Variants in TLK1 observed in about 807,000 individuals in gnomAD.
The protein encoded by TLK1 is tousled like kinase 1.
Under a neutral mutation model 105.3 loss-of-function variants are expected in TLK1, and 24 were observed. The observed-to-expected ratio is 0.23, with a 90% confidence interval of 0.17 to 0.32. The LOEUF (loss-of-function observed/expected upper bound fraction) is 0.32. Among genes scored for constraint, TLK1 ranks in the 10% least tolerant of loss-of-function variants. The pLI, the probability that TLK1 is intolerant of heterozygous loss-of-function variation, is 1.00. For synonymous variants in TLK1, 321 were observed against 310.4 expected, an observed-to-expected ratio of 1.03 and a Z score of -0.36; for missense variants, 558 against 910.5, an observed-to-expected ratio of 0.61 and a Z score of 4.98.
rs76216307 is a variant in TLK1, at chr2:171,074,284, C to T, written c.330+8497G>A. Among the ~76,000 whole-genome samples, 290 of 152,266 alleles carry T rather than the reference C, an allele frequency of 1.9e-3. 4 individuals carry two copies. Among genetic ancestry groups the T allele is most frequent in the Non-Finnish European group, 3.3e-3 (223 of 68,016 alleles). ...GACATCATTACTGTACATATTTGTT[C>T]ATTGTATACAGCAACATTGTTGCAT... is the stretch of plus-strand genomic sequence containing the variant. On this transcript the variant is annotated intron_variant, in intron 3 of 20. Coordinates refer to ENST00000431350, the MANE Select transcript of TLK1 (RefSeq NM_012290.5).
intron 1 of TLK1, among the ~76,000 whole-genome samples, chr2:171,125,277 G>A (rs1018868468): frequency 1.2e-4 from 19 of 152,120 alleles, no homozygotes; most frequent in African/African-American, 4.6e-4. Flanking sequence ...TGGACATAGT[G>A]TAGTATATGA....
chr2:171,061,241 C>A, intron 3 of TLK1, 85 bp from the exon 4 acceptor site: 1 of 1,316,232 alleles, frequency 7.6e-7, no homozygotes, highest in Non-Finnish European at 1.1e-6. Flanking sequence ...TGTTTCGAGA[C>A]CAAAAAAATA....
chr2:171,107,737 G>C (rs1689989663), intron 2 of TLK1, among the ~76,000 whole-genome samples: 1 of 152,104 alleles, frequency 6.6e-6, no homozygotes, highest in South Asian at 2.1e-4. Flanking sequence ...GAATTTCAAA[G>C]ACAATAATGA....
intron 2 of TLK1, among the ~76,000 whole-genome samples, chr2:171,086,588 T>C (rs963820620): frequency 1.4e-5 from 2 of 146,224 alleles, no homozygotes; most frequent in Non-Finnish European, 3.0e-5. Context: ...ATCGCACCAC[T>C]ATATGCCAGC....
chr2:171,199,510 TAAAA>T (rs71013024), intron 1 of TLK1, among the ~76,000 whole-genome samples: 43 of 147,226 alleles, frequency 2.9e-4, no homozygotes, highest in Middle Eastern at 3.5e-3. Flanking sequence ...GAGACCTGGT[TAAAA>T]AAAAAAAAAA....
chr2:171,053,652 C>T (rs1272779966), intron 8 of TLK1, 109 bp downstream of exon 8: 12 of 831,052 alleles, frequency 1.4e-5, no homozygotes, highest in East Asian at 5.6e-5. Context: ...TGAGCCACTG[C>T]GCCTGGCCTA....
chr2:171,054,412 A>C (rs1019596074), intron 7 of TLK1: 2 of 152,426 alleles, frequency 1.3e-5, no homozygotes, highest in African/African-American at 4.8e-5. Flanking sequence ...CCAACATCTC[A>C]TGCAGCAAAA....
intron 3 of TLK1, among the ~76,000 whole-genome samples, chr2:171,066,308 A>G (rs778315872): frequency 1.3e-5 from 2 of 152,230 alleles, no homozygotes; most frequent in Non-Finnish European, 2.9e-5. Flanking sequence ...CAAAATCATC[A>G]TATCAGCAAT....
Position 171,107,959 on chromosome 2 carries a change from A to C in TLK1, c.258+9780T>G, listed in dbSNP as rs77692195. ...CCTATCCAAGCTACTCAGGAGGCTTACGCATGAGGATCACTTGAGCCTAGG... is the reference window on the plus strand; with the variant it reads ...CCTATCCAAGCTACTCAGGAGGCTTCCGCATGAGGATCACTTGAGCCTAGG... On this transcript the variant is annotated intron_variant, in intron 2 of 20. Coordinates refer to ENST00000431350, the MANE Select transcript of TLK1 (RefSeq NM_012290.5). Among the ~76,000 whole-genome samples the C allele has an allele frequency of 5.8e-3, 878 of 152,100 alleles. 5 individuals carry two copies. The highest frequency in any genetic ancestry group is 9.8e-3 in the Non-Finnish European group (667 of 67,980).
rs138513985 is a variant in TLK1 at position 171,061,955 on chromosome 2, A to G, written c.331-799T>C. Among the ~76,000 whole-genome samples the G allele has an allele frequency of 7.4e-4, 113 of 152,338 alleles. 1 individual carries two copies. The East Asian group carries it at 0.021, about 28-fold the overall frequency. ...TACAACGGCAGAGCTGAGTAGCTGCAACAGAGTTGGAATGGCCCATAAAGT... is the reference window on the plus strand; with the variant it reads ...TACAACGGCAGAGCTGAGTAGCTGCGACAGAGTTGGAATGGCCCATAAAGT... On this transcript the variant is annotated intron_variant, in intron 3 of 20. Transcript: ENST00000431350.
Position 171,160,876 on chromosome 2 carries a change from C to T in TLK1, c.-448G>A. The T allele has an allele frequency of 3.4e-6, 1 of 295,106 alleles. No individual in the cohort carries two copies. The highest frequency in any genetic ancestry group is 6.1e-6 in the Non-Finnish European group (1 of 163,226). 18.3% of individuals were successfully genotyped at this position (295,106 alleles called of 1,614,324 possible). ...GGCGGGCTGTGGGTGGCGGCTGAGG[C>T]GGTGGGGTAACCTCTGCATCAGTTA... is the stretch of plus-strand genomic sequence containing the variant. On this transcript the variant is annotated 5_prime_UTR_variant, in exon 1 of 21. Coordinates refer to ENST00000431350, the MANE Select transcript of TLK1 (RefSeq NM_012290.5). The surrounding 1 kb of genome is among the most constrained non-coding windows in gnomAD (Gnocchi z 4.4).
At chr2:171,085,514 A>G (rs974372735) in intron 2 of TLK1, among the ~76,000 whole-genome samples, 1 of 152,234 alleles carries the variant, frequency 6.6e-6, no homozygotes, top group African/African-American at 2.4e-5. Flanking sequence ...ATGCACACCT[A>G]GGAATAACAA....
chr2:171,167,430 GT>G (rs1692629568), intron 1 of TLK1, among the ~76,000 whole-genome samples: 1 of 152,068 alleles, frequency 6.6e-6, no homozygotes, highest in Non-Finnish European at 1.5e-5. Context: ...CCCCTCAATA[GT>G]TTTTTTGATT....
Position 171,108,760 on chromosome 2 carries a change from C to T in TLK1, c.258+8979G>A, listed in dbSNP as rs567741199. On this transcript the variant is annotated intron_variant, in intron 2 of 20. Transcript: ENST00000431350. ...CTGGGACCACAGGTGGGTACCACCA[C>T]GCCCGGCTAATGTTTTGTAGAGATA... Among the ~76,000 whole-genome samples, 12 of 152,160 alleles carry T rather than the reference C, an allele frequency of 7.9e-5. No individual in the cohort carries two copies. The South Asian group carries it at 1.7e-3, about 21-fold the overall frequency.
At chr2:170,999,329 A>C (rs1684244098) in intron 18 of TLK1, among the ~76,000 whole-genome samples, 1 of 152,256 alleles carries the variant, frequency 6.6e-6, no homozygotes, top group Non-Finnish European at 1.5e-5. Flanking sequence ...CCGTGAAGTA[A>C]AACCAGCAAA....
intron 1 of TLK1, among the ~76,000 whole-genome samples, chr2:171,190,770 A>C (rs7563109): frequency 0.2 from 30,894 of 152,152 alleles, 5,086 homozygotes; most frequent in African/African-American, 0.44. Flanking sequence ...AAAATTTATA[A>C]TGTTTTTCTT....
Position 171,160,234 on chromosome 2 carries a change from G to A in TLK1, c.139+56C>T, listed in dbSNP as rs1272003805. The A allele has an allele frequency of 2.3e-5, 30 of 1,325,860 alleles. No individual in the cohort carries two copies. Among genetic ancestry groups the A allele is most frequent in the Non-Finnish European group, 2.9e-5 (30 of 1,037,594 alleles). The allele number at this position is 1,325,860 out of a possible 1,614,324, so 82.1% of individuals were successfully genotyped here. On this transcript the variant is annotated intron_variant, in intron 1 of 20. Transcript: ENST00000431350. This position sits in a 1 kb window ranked among gnomAD's most constrained non-coding sequence, Gnocchi z 4.4. The stretch of plus-strand genomic sequence containing the variant: ...GGGGGGGGCGGGGGGGGGGCGCGGG[G>A]GTCCGCGGCGCGGGAGAGGAGGCCC...
rs535411333 is a variant in TLK1 at position 171,196,331 on chromosome 2, G to T, written c.-6+34814C>A. Among the ~76,000 whole-genome samples the T allele has an allele frequency of 2.1e-3, 312 of 152,144 alleles. 2 individuals are homozygous for T. Among genetic ancestry groups the T allele is most frequent in the African/African-American group, 7.2e-3 (300 of 41,536 alleles). ...GGAGTTTCACCATGTTGGCCAGGCTGGTCTCAAACTCCTGACCTCAGGTGA... is the reference window on the plus strand; with the variant it reads ...GGAGTTTCACCATGTTGGCCAGGCTTGTCTCAAACTCCTGACCTCAGGTGA... On this transcript the variant is annotated intron_variant, in intron 1 of 20. Transcript: ENST00000521943.
intron 3 of TLK1, among the ~76,000 whole-genome samples, chr2:171,071,862 G>A (rs1297324891): frequency 6.6e-6 from 1 of 152,060 alleles, no homozygotes; most frequent in Non-Finnish European, 1.5e-5. Flanking sequence ...GTTTGTTCTT[G>A]GCACCTTTGT....
Sources: allele counts gnomAD v4.1 joint callset (sites outside exome capture counted in the v4.1 genomes callset), GRCh38; gene constraint gnomAD v4.1.1; non-coding constraint Gnocchi (gnomAD v3.1); transcripts MANE v1.5; gene names NCBI Gene and HGNC (gene_info 2026-07-23, HGNC 2026-07-21).